Variants in PKN2 observed in about 807,000 individuals in gnomAD.
PKN2 encodes the protein protein kinase N2, also known as serine/threonine-protein kinase N2.
In PKN2, 38 loss-of-function variants were observed where a neutral mutation model predicts 119.1. The observed-to-expected ratio is 0.32, with a 90% CI of 0.25 to 0.42. PKN2 has a LOEUF of 0.42. Among genes scored for constraint, PKN2 ranks in the 10% least tolerant of loss-of-function variants. PKN2 has a pLI of 1.00. For missense variants in PKN2, 850 were observed against 1,165.1 expected, an observed-to-expected ratio of 0.73 and a Z score of 3.94; for synonymous variants, 390 against 384.9, an observed-to-expected ratio of 1.01 and a Z score of -0.15.
intron 6 of PKN2, among the ~76,000 whole-genome samples, chr1:88,784,132 C>CTTTTTTTTTT (rs397862410): frequency 2.9e-5 from 3 of 103,950 alleles, no homozygotes; most frequent in African/African-American, 8.1e-5. Flanking sequence ...GATGCTGTTC[C>CTTTTTTTTTT]TTTTTTTTTT....
At chr1:88,786,330 A>AT (rs3215731) in intron 8 of PKN2, 117 bp downstream of exon 8, 98,134 of 492,684 alleles carry the variant, frequency 0.2, 6,983 homozygotes, top group East Asian at 0.29. Context: ...TAGAACTTAG[A>AT]TTTTTTTTTT....
intron 1 of PKN2, among the ~76,000 whole-genome samples, chr1:88,740,426 ATATAT>A (rs1036464589): frequency 1.3e-5 from 2 of 152,124 alleles, no homozygotes; most frequent in African/African-American, 4.8e-5. Context: ...AGTTACATAA[ATATAT>A]TATGTAGTGA....
intron 1 of PKN2, among the ~76,000 whole-genome samples, chr1:88,729,065 T>A (rs534525358): frequency 6.6e-6 from 1 of 152,182 alleles, no homozygotes; most frequent in Admixed American, 6.5e-5. Flanking sequence ...CGGCTAATTT[T>A]GTATTTTTAG....
chr1:88,807,171 TTTAAAGAATGAGTA>T (rs1271509229), intron 12 of PKN2, 128 bp from the exon 13 acceptor site: 1 of 645,264 alleles, frequency 1.5e-6, no homozygotes, highest in Non-Finnish European at 2.5e-6. Flanking sequence ...AAAAAATTTT[TTTAAAGAATGAGTA>T]TCTGAATTTT....
intron 8 of PKN2, among the ~76,000 whole-genome samples, chr1:88,803,435 A>G (rs1195795996): frequency 6.6e-6 from 1 of 152,192 alleles, no homozygotes; most frequent in African/African-American, 2.4e-5. Context: ...GAGCCTTAAA[A>G]GGAGAAACAT....
chr1:88,740,934 C>A, intron 1 of PKN2, 54 bp from the exon 2 acceptor site: 1 of 1,173,550 alleles, frequency 8.5e-7, no homozygotes, highest in Non-Finnish European at 1.2e-6. Context: ...TGCATATTTA[C>A]TGAGCAGCCA....
At chr1:88,689,608 C>G (rs567311629) in intron 1 of PKN2, among the ~76,000 whole-genome samples, 1 of 152,022 alleles carries the variant, frequency 6.6e-6, no homozygotes, top group Non-Finnish European at 1.5e-5. Context: ...GTCAGGAGTT[C>G]GAGACTAGCC....
intron 2 of PKN2, among the ~76,000 whole-genome samples, chr1:88,749,753 A>T (rs1668913004): frequency 1.3e-5 from 2 of 152,070 alleles, no homozygotes; most frequent in Admixed American, 6.5e-5. Flanking sequence ...TTAGAGACTT[A>T]TAGGAAGAAG....
intron 2 of PKN2, among the ~76,000 whole-genome samples, chr1:88,754,619 T>C (rs1442698226): frequency 6.6e-6 from 1 of 152,220 alleles, no homozygotes; most frequent in African/African-American, 2.4e-5. Context: ...GAGAATTAGC[T>C]TGGAGCTAGA....
intron 8 of PKN2, among the ~76,000 whole-genome samples, chr1:88,790,459 G>A (rs1670774689): frequency 6.6e-6 from 1 of 152,100 alleles, no homozygotes. Context: ...AACCTAATAG[G>A]TTGGAAATTA....
rs547205446 is a variant in PKN2 at position 88,785,699 on chromosome 1, G to A, written c.1172-405G>A. On this transcript the variant is annotated intron_variant, in intron 7 of 21. Transcript: ENST00000370521. Reference sequence around the variant, plus strand: ...GTAGAATACAAAAGTGAATTTGCCTGTGCTTTCATGTGTATAGAGAGAGGC... The same window carrying A: ...GTAGAATACAAAAGTGAATTTGCCTATGCTTTCATGTGTATAGAGAGAGGC... Among the ~76,000 whole-genome samples, 22 of 152,302 alleles carry A rather than the reference G, an allele frequency of 1.4e-4. No homozygotes were observed. The South Asian group carries it at 4.1e-3, about 29-fold the overall frequency.
chr1:88,747,801 A>G (rs1226945691), intron 2 of PKN2, among the ~76,000 whole-genome samples: 1 of 152,104 alleles, frequency 6.6e-6, no homozygotes, highest in Non-Finnish European at 1.5e-5. Context: ...CTAATTTAGT[A>G]ATATAATATA....
At chr1:88,716,818 T>A (rs1667476598) in intron 1 of PKN2, among the ~76,000 whole-genome samples, 1 of 152,214 alleles carries the variant, frequency 6.6e-6, no homozygotes, top group African/African-American at 2.4e-5. Context: ...TTGTTATGTG[T>A]GAATTTGATC....
At chr1:88,684,872 A>AC (rs1053569354) in intron 1 of PKN2, 1 of 447,574 alleles carries the variant, frequency 2.2e-6, no homozygotes, top group Non-Finnish European at 4.0e-6. Context: ...ACCAGAGGGG[A>AC]CCCCATCTCT....
intron 12 of PKN2, chr1:88,806,401 C>G (rs902701074): frequency 5.1e-6 from 1 of 196,314 alleles, no homozygotes. Context: ...AACTCCTGAC[C>G]TCGGGTGATC....
chr1:88,829,150 C>T (rs1395862601), intron 19 of PKN2: 1 of 739,176 alleles, frequency 1.4e-6, no homozygotes, highest in Non-Finnish European at 2.6e-6. Flanking sequence ...GGCCCTGATG[C>T]CATGTATGTC....
intron 20 of PKN2, 41 bp from the exon 21 acceptor site, chr1:88,833,036 T>C: frequency 6.6e-7 from 1 of 1,505,826 alleles, no homozygotes; most frequent in Non-Finnish European, 9.0e-7. Flanking sequence ...AATTTTATTC[T>C]ATTGGTTTTA....
intron 1 of PKN2, among the ~76,000 whole-genome samples, chr1:88,710,072 A>G (rs891415557): frequency 2.6e-5 from 4 of 152,232 alleles, no homozygotes; most frequent in East Asian, 1.9e-4. Flanking sequence ...TTTGAAATCA[A>G]TAGACTACCT....
At chr1:88,760,498 C>T (rs1483794772) in intron 3 of PKN2, 122 bp downstream of exon 3, 1 of 545,980 alleles carries the variant, frequency 1.8e-6, no homozygotes, top group Admixed American at 3.4e-5. Context: ...TGGCATGGCA[C>T]TTTGGCAGTC....
Sources: gnomAD v4.1 joint callset for allele counts (sites outside exome capture counted in the v4.1 genomes callset) on GRCh38, gnomAD v4.1.1 for gene constraint, MANE v1.5 for transcripts, NCBI Gene and HGNC (gene_info 2026-07-23, HGNC 2026-07-21) for gene names.